The following COL27A1 variants were observed in gnomAD, a reference collection of about 807,000 sequenced individuals.
COL27A1 encodes collagen type XXVII alpha 1 chain, also known as collagen alpha-1(XXVII) chain.
Under a neutral mutation model 251.3 loss-of-function variants are expected in COL27A1, and 106 were observed. That is an observed-to-expected ratio of 0.42 (90% CI 0.36 to 0.50). The LOEUF is 0.50. COL27A1 is among the 20% of genes least tolerant of loss of function. The pLI is 0.00. For synonymous variants in COL27A1, 1,000 were observed against 986.3 expected, an observed-to-expected ratio of 1.01 and a Z score of -0.26; for missense variants, 2,325 against 2,522.8, an observed-to-expected ratio of 0.92 and a Z score of 1.68.
At chr9:114,269,779 T>C (rs1284395517) in intron 35 of COL27A1, among the ~76,000 whole-genome samples, 1 of 152,136 alleles carries the variant, frequency 6.6e-6, no homozygotes, top group Admixed American at 6.5e-5. Context: ...TCTCTGGAGC[T>C]TGCATTCCAG....
chr9:114,235,763 G>A (rs897192659), intron 17 of COL27A1, 111 bp downstream of exon 17: 41 of 792,360 alleles, frequency 5.2e-5, no homozygotes, highest in Admixed American at 9.0e-5. Flanking sequence ...CCTGTAAGAC[G>A]GCTGCCCTCG....
intron 10 of COL27A1, 107 bp from the exon 11 acceptor site, chr9:114,209,568 G>C: frequency 9.8e-7 from 1 of 1,021,742 alleles, no homozygotes. Context: ...CAGGGAGGAA[G>C]AGGAGGAGCC....
intron 45 of COL27A1, 56 bp downstream of exon 45, chr9:114,289,351 A>T: frequency 6.7e-7 from 1 of 1,488,194 alleles, no homozygotes; most frequent in Non-Finnish European, 9.1e-7. Flanking sequence ...GGGAAGCCTG[A>T]CCCACAGTCA....
In COL27A1 at chr9:114,168,131, C is replaced by A; in HGVS notation, c.576C>A (p.Asp192Glu). 1 of 1,613,062 alleles carries A rather than the reference C, an allele frequency of 6.2e-7. No individual in the cohort carries two copies. The highest frequency in any genetic ancestry group is 8.5e-7 in the Non-Finnish European group (1 of 1,180,020). ...CTTTCCACAGGGACCCTGCACTCGACCCTGGGGGCTCCTTCCTCTTTGGGA... is the reference window on the plus strand; with the variant it reads ...CTTTCCACAGGGACCCTGCACTCGAACCTGGGGGCTCCTTCCTCTTTGGGA... ...LLPFHRDPALDPGGSFLFGKM... is the reference protein window; with the variant it reads ...LLPFHRDPALEPGGSFLFGKM... Residue 192 changes from aspartate to glutamate, a missense_variant, in exon 3 of 61, where the codon GAC (aspartate) becomes GAA (glutamate). By Grantham distance (45) the Asp-to-Glu change is conservative. This residue lies in a region of COL27A1 where 1,183 missense variants were observed against 1,144.1 expected (regional missense o/e 1.03). Transcript: ENST00000356083.
intron 24 of COL27A1, among the ~76,000 whole-genome samples, chr9:114,249,463 T>A (rs537464184): frequency 6.6e-6 from 1 of 152,184 alleles, no homozygotes. Context: ...CACAGCCACA[T>A]GCTTTGGAGG....
rs1829395343 is a variant in COL27A1, at chr9:114,310,802, A to G, written c.*107A>G. The G allele has an allele frequency of 4.8e-6, 6 of 1,245,966 alleles. No homozygotes were observed. Among genetic ancestry groups the G allele is most frequent in the Non-Finnish European group, 6.8e-6 (6 of 887,160 alleles). 77.2% of individuals were successfully genotyped at this position (1,245,966 alleles called of 1,614,324 possible). A position where few individuals can be genotyped will look rare whatever the true frequency, so the allele number is the denominator to read the frequency against. The stretch of plus-strand genomic sequence containing the variant: ...TCCAGGAGAGGCAGCTCCCCTGCCC[A>G]AGGGTCCTTGGGCAGACCCCAGCTG... On this transcript the variant is annotated 3_prime_UTR_variant, in exon 61 of 61. Transcript: ENST00000356083.
At chr9:114,160,315 T>C (rs929984046) in intron 1 of COL27A1, among the ~76,000 whole-genome samples, 7 of 151,982 alleles carry the variant, frequency 4.6e-5, no homozygotes, top group African/African-American at 1.7e-4. Context: ...CCACCACGCC[T>C]GGCTAATTTT....
At chr9:114,227,488 C>G (rs1313104337) in intron 14 of COL27A1, among the ~76,000 whole-genome samples, 2 of 152,064 alleles carry the variant, frequency 1.3e-5, no homozygotes, top group Non-Finnish European at 2.9e-5. Flanking sequence ...GTTTTCCCAT[C>G]TGTAAAAGGG....
chr9:114,289,430 C>G lies in COL27A1; in HGVS notation c.4206+135C>G, dbSNP rs760614474. The G allele has an allele frequency of 2.1e-5, 16 of 761,662 alleles. No individual in the cohort carries two copies. The East Asian group carries it at 4.3e-4, about 20-fold the overall frequency. 47.2% of individuals were successfully genotyped at this position (761,662 alleles called of 1,614,324 possible). A position where few individuals can be genotyped will look rare whatever the true frequency, so the allele number is the denominator to read the frequency against. On this transcript the variant is annotated intron_variant, in intron 45 of 60. Coordinates refer to ENST00000356083, the MANE Select transcript of COL27A1 (RefSeq NM_032888.4). ...AGGGAGGGGCGGCCCACCAGGAGCC[C>G]GGCAGGCTGCTTCTGGCCATGACCC...
intron 28 of COL27A1, 132 bp downstream of exon 28, chr9:114,258,726 G>T (rs1834117531): frequency 1.1e-6 from 1 of 929,818 alleles, no homozygotes. Context: ...ATAGCACAAG[G>T]CAAGGTTCTA....
rs1829293040 is a variant in COL27A1, at chr9:114,309,387, C to T, written c.5345C>T (p.Ala1782Val). 1 of 1,613,988 alleles carries T rather than the reference C, an allele frequency of 6.2e-7. No individual in the cohort carries two copies. Among genetic ancestry groups the T allele is most frequent in the Non-Finnish European group, 8.5e-7 (1 of 1,180,038 alleles). Residue 1782 changes from alanine to valine, a missense_variant, in exon 60 of 61, where the codon GCC (alanine) becomes GTC (valine). Physicochemically the swap from Ala to Val is moderately conservative, Grantham distance 64. Coordinates refer to ENST00000356083, the MANE Select transcript of COL27A1 (RefSeq NM_032888.4). ...CAGGAGGGCACTGGGCAGACCCCAG[C>T]CAAGCAGGCCGTACGCTTCCGGGCC... ...VWQEGTGQTP[A>V]KQAVRFRAWN... is the part of the protein sequence containing the mutation.
chr9:114,180,144 G>C (rs1358170162), intron 4 of COL27A1, among the ~76,000 whole-genome samples: 1 of 152,078 alleles, frequency 6.6e-6, no homozygotes, highest in African/African-American at 2.4e-5. Context: ...CTAGCCCAGA[G>C]CCTACCATCT....
chr9:114,178,373 C>G, intron 4 of COL27A1, 29 bp downstream of exon 4: 1 of 1,605,584 alleles, frequency 6.2e-7, no homozygotes, highest in East Asian at 2.2e-5. Context: ...TCCTTTGGAA[C>G]TCTTGGTGGC....
intron 58 of COL27A1, 23 bp downstream of exon 58, chr9:114,306,711 G>A (rs769517004): frequency 1.9e-6 from 3 of 1,607,534 alleles, no homozygotes; most frequent in Non-Finnish European, 2.5e-6. Flanking sequence ...CCTGCCGGGG[G>A]TGGGTGCGCC....
chr9:114,220,442 G>GCAGCTGTGC (rs1831013857), intron 13 of COL27A1, among the ~76,000 whole-genome samples: 2 of 152,220 alleles, frequency 1.3e-5, no homozygotes, highest in African/African-American at 4.8e-5. Context: ...TCCTGCCTGA[G>GCAGCTGTGC]CAGCTGTGCC....
chr9:114,177,478 G>T (rs1308250642), intron 3 of COL27A1, among the ~76,000 whole-genome samples: 1 of 152,192 alleles, frequency 6.6e-6, no homozygotes, highest in Admixed American at 6.5e-5. Flanking sequence ...CACTGAGGGG[G>T]CTGCTGCCGG....
rs372331397 is a variant in COL27A1 at position 114,284,078 on chromosome 9, AG to A, written c.3933+318del. 5.9e-5 allele frequency among the ~76,000 whole-genome samples: 9 copies of A among 152,332 alleles called. 1 individual carries two copies. Among genetic ancestry groups the A allele is most frequent in the African/African-American group, 1.9e-4 (8 of 41,586 alleles). On this transcript the variant is annotated intron_variant, in intron 40 of 60. Transcript: ENST00000356083. Reference sequence around the variant, plus strand: ...TGGGGAAGGGACCATTTCTGCATCCAGGTTGGCACCTTCTTAGACATGGCTG... The same window carrying A: ...TGGGGAAGGGACCATTTCTGCATCCAGTTGGCACCTTCTTAGACATGGCTG...
chr9:114,283,833 C>A, intron 40 of COL27A1, 71 bp downstream of exon 40: 2 of 1,495,948 alleles, frequency 1.3e-6, no homozygotes, highest in Non-Finnish European at 1.9e-6. Context: ...CCCATGCCAG[C>A]CTCTGCCCCA....
rs757073014 is a variant in COL27A1 at position 114,290,160 on chromosome 9, C to G, written c.4260+49C>G. The G allele has an allele frequency of 6.3e-6, 10 of 1,591,586 alleles. No homozygotes were observed. The highest frequency in any genetic ancestry group is 4.5e-5 in the East Asian group (2 of 44,492). On this transcript the variant is annotated intron_variant, in intron 46 of 60. Transcript: ENST00000356083. The surrounding 1 kb of genome is among the most constrained non-coding windows in gnomAD (Gnocchi z 4.6). Reference sequence around the variant, plus strand: ...CCAGCCAACCTCCCTGCCCGCCCCCCACACCCGCCCTCCTCCCACTCCCTG... The same window carrying G: ...CCAGCCAACCTCCCTGCCCGCCCCCGACACCCGCCCTCCTCCCACTCCCTG...
Sources: gnomAD v4.1 joint callset for allele counts (sites outside exome capture counted in the v4.1 genomes callset) on GRCh38, gnomAD v4.1.1 for gene constraint, gnomAD v4.1.1 regional missense constraint, Gnocchi (gnomAD v3.1) non-coding constraint, MANE v1.5 for transcripts, NCBI Gene and HGNC (gene_info 2026-07-23, HGNC 2026-07-21) for gene names.